Variants in ANKRD45 observed in about 807,000 individuals in gnomAD.
ANKRD45 encodes the protein ankyrin repeat domain-containing protein 45.
In ANKRD45, 21 loss-of-function variants were observed where a neutral mutation model predicts 28.1. The observed-to-expected ratio is 0.75, with a 90% CI of 0.53 to 1.08. The LOEUF is 1.08. Ranked by LOEUF, ANKRD45 falls within the 50% of genes least tolerant of loss-of-function variation. The pLI, the probability that ANKRD45 is intolerant of heterozygous loss-of-function variation, is 0.00. For missense variants in ANKRD45, 261 were observed against 308.7 expected (o/e 0.85, Z 1.16); for synonymous variants, 86 against 103.9 (o/e 0.83, Z 1.05).
intron 2 of ANKRD45, among the ~76,000 whole-genome samples, chr1:173,652,983 CTCTTT>C (rs1363333334): frequency 6.6e-6 from 1 of 152,004 alleles, no homozygotes; most frequent in Non-Finnish European, 1.5e-5. Flanking sequence ...TGATTCTTCT[CTCTTT>C]TCTTCTTTAT....
the ANKRD45 span, among the ~76,000 whole-genome samples, chr1:173,688,411 CCT>C: frequency 2.9e-4 from 30 of 103,998 alleles, no homozygotes; most frequent in African/African-American, 1.1e-3. Context: ...TCTGCCTCTT[CCT>C]CTCTCTCTGC....
chr1:173,647,872 C>A (rs1669009971), intron 2 of ANKRD45, among the ~76,000 whole-genome samples: 1 of 152,124 alleles, frequency 6.6e-6, no homozygotes, highest in Non-Finnish European at 1.5e-5. Context: ...CAGCCTCGAA[C>A]TCCTAGGCTC....
the ANKRD45 span, among the ~76,000 whole-genome samples, chr1:173,682,360 G>A: frequency 6.6e-6 from 1 of 152,048 alleles, no homozygotes; most frequent in African/African-American, 2.4e-5. Flanking sequence ...ACTTAAGTCA[G>A]CAAATCAGGT....
intron 4 of ANKRD45, 59 bp downstream of exon 4, chr1:173,627,006 A>T (rs750600143): frequency 7.8e-6 from 10 of 1,284,576 alleles, no homozygotes; most frequent in Non-Finnish European, 9.9e-6. Context: ...TGCAAAAATT[A>T]AAATGTAAGA....
chr1:173,692,322 C>T, the ANKRD45 span, among the ~76,000 whole-genome samples: 5 of 152,194 alleles, frequency 3.3e-5, no homozygotes, highest in Admixed American at 3.3e-4. Context: ...GTAAGATGAA[C>T]ATTGGTTCCG....
chr1:173,696,783 G>A, the ANKRD45 span, among the ~76,000 whole-genome samples: 1 of 151,992 alleles, frequency 6.6e-6, no homozygotes, highest in African/African-American at 2.4e-5. Context: ...ATGAATTTAA[G>A]AATAGTTTTT....
chr1:173,686,859 T>C, the ANKRD45 span, among the ~76,000 whole-genome samples: 1 of 152,240 alleles, frequency 6.6e-6, no homozygotes, highest in African/African-American at 2.4e-5. Flanking sequence ...ATGTTAAACT[T>C]AATTTTAATA....
At chr1:173,638,268 C>T (rs1402148283) in intron 3 of ANKRD45, among the ~76,000 whole-genome samples, 1 of 152,052 alleles carries the variant, frequency 6.6e-6, no homozygotes, top group Non-Finnish European at 1.5e-5. Context: ...CTTTCACAAG[C>T]CTTTAAGGAT....
chr1:173,661,677 T>C (rs531598388), intron 1 of ANKRD45, among the ~76,000 whole-genome samples: 1 of 152,168 alleles, frequency 6.6e-6, no homozygotes. Context: ...TCTAAATTAG[T>C]GTGAATTGGG....
chr1:173,650,135 T>C (rs1371687483), intron 2 of ANKRD45, among the ~76,000 whole-genome samples: 1 of 152,230 alleles, frequency 6.6e-6, no homozygotes, highest in Non-Finnish European at 1.5e-5. Flanking sequence ...CTTTAAGTTC[T>C]AGGGTACATA....
At chr1:173,638,485 T>A (rs1175868276) in intron 3 of ANKRD45, among the ~76,000 whole-genome samples, 1 of 151,642 alleles carries the variant, frequency 6.6e-6, no homozygotes, top group Non-Finnish European at 1.5e-5. Context: ...GCCGCTGCCA[T>A]ATCCAGGAGT....
At chr1:173,705,455 G>A in the ANKRD45 span, among the ~76,000 whole-genome samples, 1 of 151,024 alleles carries the variant, frequency 6.6e-6, no homozygotes, top group Admixed American at 6.6e-5. Flanking sequence ...TTGAGCTCAG[G>A]AGATCGAGAC....
intron 3 of ANKRD45, among the ~76,000 whole-genome samples, chr1:173,645,962 T>C (rs947947594): frequency 4.6e-5 from 7 of 152,210 alleles, no homozygotes; most frequent in Non-Finnish European, 5.9e-5. Flanking sequence ...CCATAACTTA[T>C]AATCTCCCAC....
At chr1:173,692,324 T>C in the ANKRD45 span, among the ~76,000 whole-genome samples, 3 of 152,148 alleles carry the variant, frequency 2.0e-5, no homozygotes, top group East Asian at 1.9e-4. Flanking sequence ...AAGATGAACA[T>C]TGGTTCCGTC....
chr1:173,681,512 A>G, the ANKRD45 span, among the ~76,000 whole-genome samples: 1 of 152,196 alleles, frequency 6.6e-6, no homozygotes, highest in Non-Finnish European at 1.5e-5. Flanking sequence ...AACATTGTGT[A>G]CACGACACAT....
At chr1:173,694,169 T>C in the ANKRD45 span, among the ~76,000 whole-genome samples, 62 of 152,198 alleles carry the variant, frequency 4.1e-4, no homozygotes, top group South Asian at 1.9e-3. Flanking sequence ...ATTTCAATTT[T>C]TTTTTTCTTT....
chr1:173,701,266 C>G, the ANKRD45 span, among the ~76,000 whole-genome samples: 1 of 152,172 alleles, frequency 6.6e-6, no homozygotes. Flanking sequence ...TGTGGCAATT[C>G]CTCAAGGATC....
intron 3 of ANKRD45, among the ~76,000 whole-genome samples, chr1:173,634,530 C>A (rs1668334406): frequency 6.6e-6 from 1 of 151,862 alleles, no homozygotes; most frequent in African/African-American, 2.4e-5. Context: ...GATACCCTCT[C>A]TACACTGCCA....
chr1:173,707,677 T>C, the ANKRD45 span, among the ~76,000 whole-genome samples: 1 of 152,188 alleles, frequency 6.6e-6, no homozygotes, highest in South Asian at 2.1e-4. Flanking sequence ...TCTTATATTA[T>C]TTTTACGCTT....
Sources: gnomAD v4.1 joint callset for allele counts (sites outside exome capture counted in the v4.1 genomes callset) on GRCh38, gnomAD v4.1.1 for gene constraint, MANE v1.5 for transcripts, NCBI Gene and HGNC (gene_info 2026-07-23, HGNC 2026-07-21) for gene names.